The following CTIF variants were observed in gnomAD, a reference collection of about 807,000 sequenced individuals.
CTIF encodes CBP80/20-dependent translation initiation factor.
Under a neutral mutation model 66.0 loss-of-function variants are expected in CTIF, and 21 were observed. The ratio of observed to expected loss-of-function variants is 0.32; its 90% CI spans 0.23 to 0.46. The LOEUF is 0.46. Ranked by LOEUF, CTIF falls within the 20% of genes least tolerant of loss-of-function variation. The pLI, the probability that CTIF is intolerant of heterozygous loss-of-function variation, is 1.00. For synonymous variants in CTIF, 345 were observed against 326.4 expected (o/e 1.06, Z -0.62); for missense variants, 739 against 812.7 (o/e 0.91, Z 1.10).
chr18:48,729,336 A>G (rs908208098), intron 7 of CTIF, among the ~76,000 whole-genome samples: 25 of 152,200 alleles, frequency 1.6e-4, no homozygotes, highest in African/African-American at 6.0e-4. Flanking sequence ...CTTAAACTCT[A>G]TAATCTCAAT....
rs369410150 is a variant in CTIF at position 48,859,453 on chromosome 18, G to A, written c.1691G>A (p.Arg564Gln). Residue 564 changes from arginine to glutamine, a missense_variant, in exon 12 of 12, where the codon CGG becomes CAG. Coordinates refer to ENST00000256413, the MANE Select transcript of CTIF (RefSeq NM_014772.3). ...TGCCCCTCGGAGTCCATGCTGACCC[G>A]GTCGCTGCTCCTAGAGGTCATCGAG... ...MLCPSESMLT[R>Q]SLLLEVIELH... 4.3e-6 allele frequency: 7 copies of A among 1,614,146 alleles called. No homozygotes were observed. Among genetic ancestry groups the A allele is most frequent in the Non-Finnish European group, 5.1e-6 (6 of 1,180,038 alleles).
At chr18:48,720,970 G>A (rs986129049) in intron 7 of CTIF, among the ~76,000 whole-genome samples, 4 of 152,184 alleles carry the variant, frequency 2.6e-5, no homozygotes, top group Admixed American at 6.5e-5. Flanking sequence ...CTCTCCCATC[G>A]GGACCCACAT....
intron 6 of CTIF, among the ~76,000 whole-genome samples, chr18:48,703,708 T>C (rs1272120064): frequency 2.0e-5 from 3 of 152,158 alleles, no homozygotes; most frequent in Non-Finnish European, 4.4e-5. Flanking sequence ...AATTGAGCTC[T>C]GCGGGGCACT....
At chr18:48,803,466 G>A (rs765702756) in intron 9 of CTIF, among the ~76,000 whole-genome samples, 6 of 152,196 alleles carry the variant, frequency 3.9e-5, no homozygotes, top group Non-Finnish European at 7.3e-5. Context: ...GGGACAGAAA[G>A]GGCAGCAATC....
intron 5 of CTIF, 182 bp from the exon 6 acceptor site, chr18:48,670,487 C>T (rs1219980240): frequency 4.1e-5 from 12 of 293,952 alleles, no homozygotes; most frequent in Non-Finnish European, 6.4e-5. Context: ...ACGGGAGGAC[C>T]CCCCCCCCAC....
chr18:48,613,857 C>T (rs1231175723), intron 1 of CTIF, among the ~76,000 whole-genome samples: 1 of 152,206 alleles, frequency 6.6e-6, no homozygotes, highest in African/African-American at 2.4e-5. Flanking sequence ...GTGCCCACAC[C>T]GGCCCTCCCC....
At position 48,818,553 on chromosome 18, in the gene CTIF, G is replaced by T. The variant is rs191102273; in HGVS notation, c.1527+1177G>T. On this transcript the variant is annotated intron_variant, in intron 10 of 11. Coordinates refer to ENST00000256413, the MANE Select transcript of CTIF (RefSeq NM_014772.3). ...GGTCTAGAGATCCTGAAGAGGTCAC[G>T]CATGGAGGTAGGGGATAGAGGGTTC... Among the ~76,000 whole-genome samples the T allele has an allele frequency of 2.5e-4, 38 of 152,290 alleles. 1 individual carries two copies. In the East Asian group the frequency reaches 4.4e-3, roughly 18 times the overall value.
chr18:48,616,000 G>A (rs1456718490), intron 1 of CTIF, among the ~76,000 whole-genome samples: 1 of 152,192 alleles, frequency 6.6e-6, no homozygotes, highest in East Asian at 1.9e-4. Flanking sequence ...TGATGACCAT[G>A]CCCAGGCTCC....
intron 7 of CTIF, among the ~76,000 whole-genome samples, chr18:48,713,844 C>T (rs1432978988): frequency 6.6e-6 from 1 of 152,214 alleles, no homozygotes; most frequent in African/African-American, 2.4e-5. Context: ...GAGCAAACAT[C>T]TTGACCATTT....
At chr18:48,699,638 A>C (rs1255027301) in intron 6 of CTIF, among the ~76,000 whole-genome samples, 2 of 152,028 alleles carry the variant, frequency 1.3e-5, no homozygotes, top group Admixed American at 6.5e-5. Context: ...GTGCTTACGA[A>C]GCCTCAGGTT....
chr18:48,809,867 C>T (rs2068224941), intron 9 of CTIF, among the ~76,000 whole-genome samples: 1 of 151,278 alleles, frequency 6.6e-6, no homozygotes, highest in African/African-American at 2.4e-5. Flanking sequence ...TATATCATAT[C>T]TGTTTTCATA....
chr18:48,706,954 T>C (rs2092164533), intron 6 of CTIF, among the ~76,000 whole-genome samples: 1 of 152,120 alleles, frequency 6.6e-6, no homozygotes, highest in Non-Finnish European at 1.5e-5. Flanking sequence ...GTCTCAGAGC[T>C]CAGGGGAGAA....
intron 2 of CTIF, among the ~76,000 whole-genome samples, chr18:48,627,411 T>G (rs985194298): frequency 3.3e-5 from 5 of 151,666 alleles, no homozygotes; most frequent in Non-Finnish European, 7.4e-5. Context: ...AGGAAGTGAG[T>G]GGGGAAGGCT....
At chr18:48,560,246 A>G (rs1293230215) in intron 1 of CTIF, among the ~76,000 whole-genome samples, 1 of 119,598 alleles carries the variant, frequency 8.4e-6, no homozygotes, top group Non-Finnish European at 1.8e-5. Flanking sequence ...TTTTTTTTTG[A>G]GACAGAGTCT....
chr18:48,839,552 C>T (rs945574943), intron 10 of CTIF, among the ~76,000 whole-genome samples: 2 of 151,752 alleles, frequency 1.3e-5, no homozygotes, highest in African/African-American at 2.4e-5. Flanking sequence ...ATTAGTATCA[C>T]CACTTTACAG....
At chr18:48,755,784 G>C (rs1196811833) in intron 7 of CTIF, 1 of 152,140 alleles carries the variant, frequency 6.6e-6, no homozygotes, top group East Asian at 1.9e-4. Flanking sequence ...ATTCAGTTCA[G>C]GGTACCAGAT....
chr18:48,781,865 G>T (rs1025747168), intron 9 of CTIF, among the ~76,000 whole-genome samples: 5 of 152,226 alleles, frequency 3.3e-5, no homozygotes, highest in South Asian at 2.1e-4. Flanking sequence ...CTCATTGGCT[G>T]TAAAATGGGG....
At chr18:48,697,457 A>G (rs2092023385) in intron 6 of CTIF, among the ~76,000 whole-genome samples, 1 of 152,184 alleles carries the variant, frequency 6.6e-6, no homozygotes, top group Admixed American at 6.5e-5. Flanking sequence ...GCTAATGGTA[A>G]AAGCTGACAG....
At chr18:48,596,761 C>T (rs1241654445) in intron 1 of CTIF, among the ~76,000 whole-genome samples, 2 of 152,174 alleles carry the variant, frequency 1.3e-5, no homozygotes, top group Non-Finnish European at 2.9e-5. Flanking sequence ...CAGGCGTGAG[C>T]CACCGCACAT....
Sources: gnomAD v4.1 joint callset for allele counts (sites outside exome capture counted in the v4.1 genomes callset) on GRCh38, gnomAD v4.1.1 for gene constraint, MANE v1.5 for transcripts, NCBI Gene and HGNC (gene_info 2026-07-23, HGNC 2026-07-21) for gene names.